COL25A1: variants seen among roughly 807,000 people sequenced by gnomAD.
COL25A1 encodes collagen alpha-1(XXV) chain.
COL25A1 carries 103 observed loss-of-function variants against 128.4 expected under a neutral mutation model. The ratio of observed to expected loss-of-function variants is 0.80; its 90% CI spans 0.68 to 0.94. The LOEUF is 0.94. Among genes scored for constraint, COL25A1 ranks in the 40% least tolerant of loss-of-function variants. The pLI is 0.00. For synonymous variants in COL25A1, 279 were observed against 277.2 expected, an observed-to-expected ratio of 1.01 and a Z score of -0.06; for missense variants, 745 against 840.0, an observed-to-expected ratio of 0.89 and a Z score of 1.40.
chr4:109,236,762 C>G (rs1156399422), intron 3 of COL25A1, among the ~76,000 whole-genome samples: 2 of 151,992 alleles, frequency 1.3e-5, no homozygotes, highest in Non-Finnish European at 2.9e-5. Context: ...ATCTTTCTCT[C>G]CAATGACTTA....
chr4:109,029,006 G>A (rs1445133509), intron 5 of COL25A1, among the ~76,000 whole-genome samples: 1 of 152,140 alleles, frequency 6.6e-6, no homozygotes, highest in Non-Finnish European at 1.5e-5. Context: ...TGTTAGATTA[G>A]AGAGAGAGTG....
At chr4:109,034,380 A>C (rs1429215234) in intron 5 of COL25A1, among the ~76,000 whole-genome samples, 1 of 152,218 alleles carries the variant, frequency 6.6e-6, no homozygotes, top group Admixed American at 6.5e-5. Flanking sequence ...ACTTTGATGA[A>C]TTGAACTTTT....
chr4:108,976,528 A>T (rs1014217980), intron 6 of COL25A1, among the ~76,000 whole-genome samples: 4 of 152,196 alleles, frequency 2.6e-5, no homozygotes, highest in African/African-American at 9.6e-5. Context: ...GCTCTTAAAG[A>T]TAAAGTCATG....
intron 18 of COL25A1, among the ~76,000 whole-genome samples, chr4:108,888,665 ATTAAAAT>A (rs1177203457): frequency 1.3e-5 from 2 of 152,242 alleles, no homozygotes; most frequent in African/African-American, 2.4e-5. Context: ...AGTGCCTCTA[ATTAAAAT>A]TTAGTTCATT....
intron 3 of COL25A1, among the ~76,000 whole-genome samples, chr4:109,226,897 A>T (rs765723373): frequency 9.2e-5 from 14 of 152,162 alleles, no homozygotes; most frequent in Non-Finnish European, 1.8e-4. Flanking sequence ...TTGCATGAGT[A>T]TAGCAGTTGT....
intron 3 of COL25A1, among the ~76,000 whole-genome samples, chr4:109,162,097 A>G (rs935756204): frequency 2.0e-5 from 3 of 152,220 alleles, no homozygotes; most frequent in Admixed American, 1.3e-4. Flanking sequence ...TATAGAATTC[A>G]ATTCAAATTA....
At chr4:108,965,486 T>C (rs1308852637) in intron 8 of COL25A1, among the ~76,000 whole-genome samples, 1 of 152,198 alleles carries the variant, frequency 6.6e-6, no homozygotes, top group Non-Finnish European at 1.5e-5. Flanking sequence ...TTTGCCACAA[T>C]TTCAGAAAAA....
rs200591746 is a variant in COL25A1 at position 109,056,505 on chromosome 4, T to TA, written c.368-6327dup. ...TGAATAGTCCTTTCACAAATATGCT[T>TA]ATTTTCAAGCTTTTATACCAAGGGA... is the stretch of plus-strand genomic sequence containing the variant. On this transcript the variant is annotated intron_variant, in intron 3 of 37. Coordinates refer to ENST00000399132, the MANE Select transcript of COL25A1 (RefSeq NM_198721.4). Among the ~76,000 whole-genome samples, 84 of 152,296 alleles carry TA rather than the reference T, an allele frequency of 5.5e-4. No individual in the cohort carries two copies. In the East Asian group the frequency reaches 0.016, roughly 28 times the overall value.
intron 6 of COL25A1, among the ~76,000 whole-genome samples, chr4:108,993,853 T>TC (rs1051083716): frequency 2.2e-4 from 20 of 89,390 alleles, no homozygotes; most frequent in African/African-American, 6.2e-4. Flanking sequence ...AGAGTGAAAC[T>TC]CCATCTCAAA....
At chr4:109,104,197 A>T (rs768007848) in intron 3 of COL25A1, among the ~76,000 whole-genome samples, 3 of 151,882 alleles carry the variant, frequency 2.0e-5, no homozygotes, top group Non-Finnish European at 4.4e-5. Context: ...AAATGTTGAG[A>T]CCCTGTCTCA....
At chr4:109,091,096 AG>A (rs1764852646) in intron 3 of COL25A1, among the ~76,000 whole-genome samples, 1 of 152,226 alleles carries the variant, frequency 6.6e-6, no homozygotes, top group Admixed American at 6.5e-5. Flanking sequence ...AGGCAGTTCA[AG>A]GAAGCAGTTT....
chr4:109,168,020 G>T (rs1346540092), intron 3 of COL25A1, among the ~76,000 whole-genome samples: 1 of 152,036 alleles, frequency 6.6e-6, no homozygotes, highest in Non-Finnish European at 1.5e-5. Context: ...GTAATAGTTG[G>T]TTTTTTAGGT....
intron 5 of COL25A1, among the ~76,000 whole-genome samples, chr4:109,021,327 C>T (rs1310445424): frequency 6.6e-6 from 1 of 152,142 alleles, no homozygotes; most frequent in Non-Finnish European, 1.5e-5. Context: ...AGTCAGGGAC[C>T]CCAAACAGAG....
At chr4:109,227,231 C>T (rs555822616) in intron 3 of COL25A1, among the ~76,000 whole-genome samples, 129 of 151,164 alleles carry the variant, frequency 8.5e-4, no homozygotes, top group African/African-American at 3.0e-3. Flanking sequence ...ATTGTGATAA[C>T]GCAGTTTAAT....
At chr4:108,859,606 C>A in intron 24 of COL25A1, 50 bp downstream of exon 24, 1 of 1,508,014 alleles carries the variant, frequency 6.6e-7, no homozygotes, top group Non-Finnish European at 9.2e-7. Context: ...TACATGGGTG[C>A]TCCTCAGCAT....
At chr4:108,938,866 A>C (rs1161712495) in intron 10 of COL25A1, among the ~76,000 whole-genome samples, 1 of 152,214 alleles carries the variant, frequency 6.6e-6, no homozygotes, top group Non-Finnish European at 1.5e-5. Flanking sequence ...CAAAAAAAAA[A>C]AATCTTTTTC....
chr4:109,259,099 G>A (rs1781264698), intron 3 of COL25A1, among the ~76,000 whole-genome samples: 1 of 151,950 alleles, frequency 6.6e-6, no homozygotes, highest in Admixed American at 6.6e-5. Flanking sequence ...CTCAGGGCAG[G>A]GACTGTGAAT....
chr4:109,130,002 T>TA lies in COL25A1; in HGVS notation c.368-79824dup, dbSNP rs35187548. Reference sequence around the variant, plus strand: ...TGTACCCTAAAACTTAAAGTATAATTAAAAAAAAAAAAAAAAGAATAAAAG... The same window carrying TA: ...TGTACCCTAAAACTTAAAGTATAATTAAAAAAAAAAAAAAAAAGAATAAAAG... On this transcript the variant is annotated intron_variant, in intron 3 of 37. Coordinates refer to ENST00000399132, the MANE Select transcript of COL25A1 (RefSeq NM_198721.4). Among the ~76,000 whole-genome samples, 586 of 138,710 alleles carry TA rather than the reference T, an allele frequency of 4.2e-3. 2 individuals are homozygous for TA. The highest frequency in any genetic ancestry group is 6.8e-3 in the Non-Finnish European group (426 of 62,714). The allele number at this position is 138,710 out of a possible 152,430, so 91.0% of individuals were successfully genotyped here. A position where few individuals can be genotyped will look rare whatever the true frequency, so the allele number is the denominator to read the frequency against.
At chr4:109,100,132 C>T (rs555362781) in intron 3 of COL25A1, among the ~76,000 whole-genome samples, 1 of 152,164 alleles carries the variant, frequency 6.6e-6, no homozygotes, top group South Asian at 2.1e-4. Flanking sequence ...TTCTGAAGGT[C>T]AGTTTAGTAA....
Sources: gnomAD v4.1 joint callset for allele counts (sites outside exome capture counted in the v4.1 genomes callset) on GRCh38, gnomAD v4.1.1 for gene constraint, MANE v1.5 for transcripts, NCBI Gene and HGNC (gene_info 2026-07-23, HGNC 2026-07-21) for gene names.